MTR: variants seen among roughly 807,000 people sequenced by gnomAD.
MTR encodes 5-methyltetrahydrofolate-homocysteine methyltransferase.
Under a neutral mutation model 154.8 loss-of-function variants are expected in MTR, and 84 were observed. The observed-to-expected ratio is 0.54, with a 90% CI of 0.45 to 0.65. The LOEUF (loss-of-function observed/expected upper bound fraction) is 0.65, where lower values mean the gene tolerates loss of function less well. Among genes scored for constraint, MTR ranks in the 30% least tolerant of loss-of-function variants. The pLI is 0.00. For missense variants in MTR, 1,275 were observed against 1,570.2 expected, an observed-to-expected ratio of 0.81 and a Z score of 3.18; for synonymous variants, 554 against 553.9, an observed-to-expected ratio of 1.00 and a Z score of 0.00.
Position 236,847,187 on chromosome 1 carries a change from G to A in MTR, c.1516-3157G>A, listed in dbSNP as rs572342826. Among the ~76,000 whole-genome samples, 13 of 152,186 alleles carry A rather than the reference G, an allele frequency of 8.5e-5. 2 individuals are homozygous for A. In the South Asian group the frequency reaches 2.5e-3, roughly 29 times the overall value. On this transcript the variant is annotated intron_variant, in intron 15 of 32. Transcript: ENST00000366577. ...CAGATGTGAGCCATTGTACTGGGCC[G>A]GGCCACTTCTTTTTTTAATTACAGC...
At chr1:236,806,327 C>G in intron 3 of MTR, 94 bp downstream of exon 3, 1 of 946,300 alleles carries the variant, frequency 1.1e-6, no homozygotes, top group African/African-American at 1.6e-5. Context: ...GCTGCAGAGT[C>G]AAGCTAATGC....
At chr1:236,889,791 T>A (rs1666216173) in intron 28 of MTR, among the ~76,000 whole-genome samples, 1 of 152,024 alleles carries the variant, frequency 6.6e-6, no homozygotes. Context: ...GGACTGTGGA[T>A]GTGATATGGT....
At chr1:236,867,555 C>T (rs767655246) in intron 22 of MTR, among the ~76,000 whole-genome samples, 14 of 152,140 alleles carry the variant, frequency 9.2e-5, no homozygotes, top group African/African-American at 2.2e-4. Context: ...TCAAGTCTTA[C>T]ATTTTGTAAG....
intron 1 of MTR, among the ~76,000 whole-genome samples, chr1:236,796,603 ACT>A (rs545446575): frequency 1.3e-3 from 198 of 151,130 alleles, no homozygotes; most frequent in African/African-American, 4.7e-3. Flanking sequence ...TTAACCGGTG[ACT>A]CTCTTGATTC....
At chr1:236,863,214 G>C (rs573296005) in intron 21 of MTR, among the ~76,000 whole-genome samples, 1 of 152,368 alleles carries the variant, frequency 6.6e-6, no homozygotes, top group East Asian at 1.9e-4. Flanking sequence ...GCTGTTTTGT[G>C]TGTGAACATC....
In MTR at chr1:236,826,768, G is replaced by A. The variant is rs1662311945; in HGVS notation, c.928-61G>A. 7 of 1,331,132 alleles carry A rather than the reference G, an allele frequency of 5.3e-6. No homozygotes were observed. In the Admixed American group the frequency reaches 8.4e-5, roughly 16 times the overall value. 82.5% of individuals were successfully genotyped at this position (1,331,132 alleles called of 1,614,324 possible). A position where few individuals can be genotyped will look rare whatever the true frequency, so the allele number is the denominator to read the frequency against. ...GTATAGACGGCTTTTATGTTGAATT[G>A]GTGGTAATGAGTTTAGAATTCAAGT... On this transcript the variant is annotated intron_variant, in intron 10 of 32. Transcript: ENST00000366577.
intron 24 of MTR, among the ~76,000 whole-genome samples, chr1:236,880,150 C>T (rs1002038650): frequency 2.6e-5 from 4 of 152,006 alleles, no homozygotes; most frequent in African/African-American, 9.7e-5. Flanking sequence ...GACAGAGCTC[C>T]GTCTCAAAAA....
Position 236,795,742 on chromosome 1 carries a change from C to T in MTR, c.34+5C>T. ...TCCAAGACCTGTCGCAACCCGGTAA[C>T]GCTGCGACCCCGTCTGCGTGGTTGG... On this transcript the variant is annotated splice_donor_5th_base_variant and intron_variant, in intron 1 of 32. Transcript: ENST00000366577. 26 of 1,614,174 alleles carry T rather than the reference C, an allele frequency of 1.6e-5. No homozygotes were observed. Among genetic ancestry groups the T allele is most frequent in the Non-Finnish European group, 2.0e-5 (24 of 1,180,036 alleles).
chr1:236,865,343 A>G (rs959211308), intron 22 of MTR, among the ~76,000 whole-genome samples: 1 of 152,262 alleles, frequency 6.6e-6, no homozygotes, highest in Non-Finnish European at 1.5e-5. Flanking sequence ...GATAACACAT[A>G]GACTCTTCCA....
Position 236,874,708 on chromosome 1 carries a change from TAA to T in MTR, c.2474-5_2474-4del, listed in dbSNP as rs546254033. 1.2e-4 allele frequency: 143 copies of T among 1,222,070 alleles called. No homozygotes were observed. The highest frequency in any genetic ancestry group is 5.2e-4 in the Middle Eastern group (2 of 3,828). 75.7% of individuals were successfully genotyped at this position (1,222,070 alleles called of 1,614,324 possible). ...ACTGTCCTTTTTGTCCTTTTTTTTT[TAA>T]AAAAAAAAAAAATAGATATAATTGG... On this transcript the variant is annotated splice_polypyrimidine_tract_variant and intron_variant, in intron 23 of 32. Coordinates refer to ENST00000366577, the MANE Select transcript of MTR (RefSeq NM_000254.3).
Position 236,852,760 on chromosome 1 carries a change from G to A in MTR, c.1812+123G>A, listed in dbSNP as rs1014847983. Reference sequence around the variant, plus strand: ...GTTTCTGTAAATAAGATTTTATTGGGATAGAGCCACACCTATTCATTTGTA... The same window carrying A: ...GTTTCTGTAAATAAGATTTTATTGGAATAGAGCCACACCTATTCATTTGTA... On this transcript the variant is annotated intron_variant, in intron 17 of 32. Coordinates refer to ENST00000366577, the MANE Select transcript of MTR (RefSeq NM_000254.3). 3 of 1,097,426 alleles carry A rather than the reference G, an allele frequency of 2.7e-6. No individual in the cohort carries two copies. In the African/African-American group the frequency reaches 4.6e-5, roughly 17 times the overall value. The allele number at this position is 1,097,426 out of a possible 1,614,324, so 68.0% of individuals were successfully genotyped here.
chr1:236,843,690 A>C (rs1028558804), intron 15 of MTR, among the ~76,000 whole-genome samples: 1 of 152,208 alleles, frequency 6.6e-6, no homozygotes, highest in Non-Finnish European at 1.5e-5. Flanking sequence ...GTTTCTACAT[A>C]TATTTTTAAC....
intron 15 of MTR, among the ~76,000 whole-genome samples, chr1:236,839,366 A>G (rs1441711538): frequency 7.2e-6 from 1 of 138,836 alleles, no homozygotes; most frequent in African/African-American, 2.8e-5. Flanking sequence ...GAAAATGGAC[A>G]AAGGAAATAA....
intron 30 of MTR, 44 bp from the exon 31 acceptor site, chr1:236,895,314 G>T (rs760465879): frequency 3.9e-6 from 6 of 1,556,574 alleles, no homozygotes; most frequent in Non-Finnish European, 4.4e-6. Flanking sequence ...GATGCTGTGA[G>T]CCCCTGCGTC....
At chr1:236,801,222 T>C (rs1660683997) in intron 1 of MTR, among the ~76,000 whole-genome samples, 1 of 152,216 alleles carries the variant, frequency 6.6e-6, no homozygotes, top group South Asian at 2.1e-4. Flanking sequence ...GTACAGATCA[T>C]TGGAGCTTAA....
chr1:236,868,482 T>C (rs1250212593), intron 22 of MTR, among the ~76,000 whole-genome samples: 3 of 152,220 alleles, frequency 2.0e-5, no homozygotes, highest in Admixed American at 6.5e-5. Flanking sequence ...CTCTGAGTTA[T>C]GTCTGTATTC....
intron 15 of MTR, among the ~76,000 whole-genome samples, chr1:236,847,570 TC>T (rs1476204906): frequency 6.6e-6 from 1 of 152,232 alleles, no homozygotes; most frequent in Non-Finnish European, 1.5e-5. Context: ...ATTTATTCCT[TC>T]CTTCTTGCTG....
chr1:236,795,284 T>C (rs553039898), upstream of MTR: 120 of 1,201,380 alleles, frequency 1.0e-4, 1 homozygote, highest in African/African-American at 1.4e-3. Flanking sequence ...CGAGGATAGA[T>C]TGAGCGCAGA....
intron 15 of MTR, among the ~76,000 whole-genome samples, chr1:236,842,947 G>A (rs1464182802): frequency 1.3e-5 from 2 of 151,742 alleles, no homozygotes; most frequent in Non-Finnish European, 1.5e-5. Context: ...TTAGCCAGAT[G>A]TGGTAATGTA....
Sources: gnomAD v4.1 joint callset for allele counts (sites outside exome capture counted in the v4.1 genomes callset) on GRCh38, gnomAD v4.1.1 for gene constraint, MANE v1.5 for transcripts, NCBI Gene and HGNC (gene_info 2026-07-23, HGNC 2026-07-21) for gene names.